Variants in SWT1 observed in about 807,000 individuals in gnomAD.
SWT1 encodes SWT1 RNA endoribonuclease homolog, also known as transcriptional protein SWT1.
In SWT1, 33 loss-of-function variants were observed where a neutral mutation model predicts 107.3. That is an observed-to-expected ratio of 0.31 (90% CI 0.23 to 0.41). The LOEUF is 0.41. SWT1 is among the 10% of genes least tolerant of loss of function. SWT1 has a pLI of 1.00. For missense variants in SWT1, 898 were observed against 1,028.9 expected, an observed-to-expected ratio of 0.87 and a Z score of 1.74; for synonymous variants, 345 against 348.3, an observed-to-expected ratio of 0.99 and a Z score of 0.11.
In SWT1 at chr1:185,194,571, TA is replaced by T. The variant is rs76055570; in HGVS notation, c.1523+3941del. Reference sequence around the variant, plus strand: ...ATTGTCCCATAGCTCTTGGATACTTTAAAAAAAAAAAAGTCTTTTATTATCT... The same window carrying T: ...ATTGTCCCATAGCTCTTGGATACTTTAAAAAAAAAAAGTCTTTTATTATCT... On this transcript the variant is annotated intron_variant, in intron 10 of 18. Coordinates refer to ENST00000367500, the MANE Select transcript of SWT1 (RefSeq NM_017673.7). Among the ~76,000 whole-genome samples the T allele has an allele frequency of 5.7e-3, 827 of 145,358 alleles. 2 individuals carry two copies. The highest frequency in any genetic ancestry group is 0.014 in the African/African-American group (544 of 39,910).
chr1:185,192,857 A>C (rs1432787348), intron 10 of SWT1, among the ~76,000 whole-genome samples: 4 of 152,098 alleles, frequency 2.6e-5, no homozygotes, highest in Non-Finnish European at 5.9e-5. Context: ...CATATCGGTC[A>C]GGCTGGTCTC....
chr1:185,254,518 G>T (rs1260952670), intron 16 of SWT1, among the ~76,000 whole-genome samples: 1 of 144,900 alleles, frequency 6.9e-6, no homozygotes, highest in Non-Finnish European at 1.5e-5. Context: ...GAGAGTGTAT[G>T]TGTCGAGGAA....
At chr1:185,229,229 C>A (rs1424506544) in intron 15 of SWT1, among the ~76,000 whole-genome samples, 1 of 151,996 alleles carries the variant, frequency 6.6e-6, no homozygotes, top group Non-Finnish European at 1.5e-5. Context: ...TGGGTCAGGG[C>A]AGTTGTGGGA....
At position 185,168,332 on chromosome 1, in the gene SWT1, T is replaced by TAAA. The variant is rs59365489; in HGVS notation, c.166-7_166-6insAAA. The TAAA allele has an allele frequency of 1.3e-5, 16 of 1,263,860 alleles. No individual in the cohort carries two copies. Among genetic ancestry groups the TAAA allele is most frequent in the Admixed American group, 3.0e-5 (1 of 33,748 alleles). 78.3% of individuals were successfully genotyped at this position (1,263,860 alleles called of 1,614,324 possible). A position where few individuals can be genotyped will look rare whatever the true frequency, so the allele number is the denominator to read the frequency against. On this transcript the variant is annotated splice_polypyrimidine_tract_variant and splice_region_variant and intron_variant, in intron 3 of 18. Transcript: ENST00000367500. ...ACAATTTATGTGTCCTTTTTTTATT[T>TAAA]ATTTCAGAAATCAGATCATACAGAT...
chr1:185,257,388 C>G (rs532065110), intron 16 of SWT1, among the ~76,000 whole-genome samples: 2 of 152,088 alleles, frequency 1.3e-5, no homozygotes, highest in East Asian at 1.9e-4. Flanking sequence ...GCCTCGCTGC[C>G]GCCTTGCAGT....
chr1:185,258,268 A>T (rs1662763883), intron 16 of SWT1, among the ~76,000 whole-genome samples: 1 of 151,848 alleles, frequency 6.6e-6, no homozygotes, highest in African/African-American at 2.4e-5. Flanking sequence ...TTGAGTTCTG[A>T]TCTCCATCCT....
rs752581727 is a variant in SWT1 at position 185,206,756 on chromosome 1, C to T, written c.1965C>T (p.Leu655=). 1.3e-6 allele frequency: 2 copies of T among 1,592,194 alleles called. No individual in the cohort carries two copies. The highest frequency in any genetic ancestry group is 2.3e-5 in the South Asian group (2 of 87,408). ...LLTIESLYKN[L]RKANKAVDFT... is the part of the protein sequence containing the mutation. ...CTATTGAGAGCCTATACAAAAATCT[C>T]CGTAAAGGTATGAATCTTTTATTTT... Residue 655 remains leucine (L), a synonymous_variant, in exon 13 of 19, where the codon CTC becomes CTT. Transcript: ENST00000367500.
At chr1:185,276,226 T>C (rs1278612352) in intron 17 of SWT1, among the ~76,000 whole-genome samples, 1 of 152,174 alleles carries the variant, frequency 6.6e-6, no homozygotes, top group Admixed American at 6.5e-5. Context: ...AGTTTAAACA[T>C]GTAGACCTCA....
Position 185,174,250 on chromosome 1 carries a change from G to A in SWT1, c.225-122G>A, listed in dbSNP as rs573449342. Reference sequence around the variant, plus strand: ...TAATCCTTTCCACTTCATTCTTAATGTAGCTATTTCTACTTTTTATGAAGC... The same window carrying A: ...TAATCCTTTCCACTTCATTCTTAATATAGCTATTTCTACTTTTTATGAAGC... On this transcript the variant is annotated intron_variant, in intron 4 of 18. Coordinates refer to ENST00000367500, the MANE Select transcript of SWT1 (RefSeq NM_017673.7). 5.7e-5 allele frequency: 39 copies of A among 685,776 alleles called. No homozygotes were observed. The African/African-American group carries it at 5.8e-4, about 10-fold the overall frequency. 42.5% of individuals were successfully genotyped at this position (685,776 alleles called of 1,614,324 possible).
rs563247343 is a variant in SWT1 at position 185,200,461 on chromosome 1, G to A, written c.1524-2193G>A. Reference sequence around the variant, plus strand: ...GGACGCCATTTTTGTTGATGTTGATGCTACTCCTTTCTGTTTGTTGGTTTT... The same window carrying A: ...GGACGCCATTTTTGTTGATGTTGATACTACTCCTTTCTGTTTGTTGGTTTT... On this transcript the variant is annotated intron_variant, in intron 10 of 18. Transcript: ENST00000367500. 1.4e-3 allele frequency among the ~76,000 whole-genome samples: 210 copies of A among 152,254 alleles called. 1 individual carries two copies. The highest frequency in any genetic ancestry group is 4.8e-3 in the African/African-American group (200 of 41,542).
rs72637298 is a variant in SWT1, at chr1:185,218,289, A to G, written c.2122-3560A>G. 9.7e-4 allele frequency among the ~76,000 whole-genome samples: 147 copies of G among 152,280 alleles called. 1 individual carries two copies. In the East Asian group the frequency reaches 0.022, roughly 23 times the overall value. On this transcript the variant is annotated intron_variant, in intron 14 of 18. Transcript: ENST00000367500. The stretch of plus-strand genomic sequence containing the variant: ...TGCTTTGAGAAACTAAAATGGAGAT[A>G]AACTAACTTTATCATTTTCCAGATT...
At chr1:185,191,559 G>A (rs1273211254) in intron 10 of SWT1, among the ~76,000 whole-genome samples, 1 of 152,050 alleles carries the variant, frequency 6.6e-6, no homozygotes, top group Non-Finnish European at 1.5e-5. Context: ...ATTCTAGTCA[G>A]TGTTATTATT....
intron 5 of SWT1, among the ~76,000 whole-genome samples, chr1:185,175,599 G>T (rs1361528433): frequency 6.6e-6 from 1 of 152,040 alleles, no homozygotes; most frequent in Non-Finnish European, 1.5e-5. Context: ...GATATGTGTT[G>T]GTTTCTTTAT....
At chr1:185,189,398 C>T (rs142832374) in intron 9 of SWT1, among the ~76,000 whole-genome samples, 3 of 152,168 alleles carry the variant, frequency 2.0e-5, no homozygotes, top group East Asian at 1.9e-4. Context: ...TCTTGTGTTA[C>T]CTTCCTAGGG....
rs186451632 is a variant in SWT1 at position 185,212,646 on chromosome 1, C to A, written c.1973-1861C>A. On this transcript the variant is annotated intron_variant, in intron 13 of 18. Transcript: ENST00000367500. ...TGAAACCCTGTCTTTACTAAAAATC[C>A]AAAAAAAATAGCTGGGCGTGGTGGT... is the stretch of plus-strand genomic sequence containing the variant. Among the ~76,000 whole-genome samples the A allele has an allele frequency of 1.8e-3, 269 of 150,966 alleles. 2 individuals are homozygous for A. The highest frequency in any genetic ancestry group is 6.2e-3 in the African/African-American group (257 of 41,180).
chr1:185,289,783 G>A (rs1665145634), intron 18 of SWT1, among the ~76,000 whole-genome samples: 2 of 152,130 alleles, frequency 1.3e-5, no homozygotes, highest in East Asian at 3.9e-4. Context: ...TCACTGATAT[G>A]TGGAATCTAA....
At chr1:185,180,360 T>C (rs1397657438) in intron 5 of SWT1, 31 bp from the exon 6 acceptor site, 1 of 1,575,944 alleles carries the variant, frequency 6.3e-7, no homozygotes, top group South Asian at 1.1e-5. Context: ...TTATGCTTTA[T>C]TCTTAGCTAA....
At chr1:185,161,115 G>A (rs1273962905) in intron 2 of SWT1, among the ~76,000 whole-genome samples, 190 bp downstream of exon 2, 2 of 152,094 alleles carry the variant, frequency 1.3e-5, no homozygotes, top group Non-Finnish European at 2.9e-5. Flanking sequence ...GTATGAGGTG[G>A]GTACTATTAT....
Position 185,202,786 on chromosome 1 carries a change from A to C in SWT1, c.1656A>C (p.Gln552His). 1 of 1,548,142 alleles carries C rather than the reference A, an allele frequency of 6.5e-7. No homozygotes were observed. Among genetic ancestry groups the C allele is most frequent in the Non-Finnish European group, 8.7e-7 (1 of 1,144,670 alleles). The stretch of plus-strand genomic sequence containing the variant: ...GTCATCAGCCTTGTATTCCTAAGCA[A>C]CAGTTGAAAGCAGGTAGTATTTTTA... ...DVCHQPCIPKQQLKAETTPLK... is the reference protein window; with the variant it reads ...DVCHQPCIPKHQLKAETTPLK... The change falls in exon 11 of 19, where the codon CAA becomes CAC. Residue 552 changes from glutamine (Q) to histidine (H), a missense_variant. By Grantham distance (24) the Gln-to-His change is conservative. Around this residue, in one of 6 missense-constraint regions of SWT1, gnomAD observed 382 missense variants for 460.0 expected, o/e 0.83. Transcript: ENST00000367500.
Sources: gnomAD v4.1 joint callset for allele counts (sites outside exome capture counted in the v4.1 genomes callset) on GRCh38, gnomAD v4.1.1 for gene constraint, gnomAD v4.1.1 regional missense constraint, MANE v1.5 for transcripts, NCBI Gene and HGNC (gene_info 2026-07-23, HGNC 2026-07-21) for gene names.